Variants in SERPINE3 observed in about 807,000 individuals in gnomAD.
SERPINE3 encodes the protein serpin family E member 3.
A neutral mutation model predicts 41.7 loss-of-function variants in SERPINE3; 43 were observed. The ratio of observed to expected loss-of-function variants is 1.03; its 90% CI spans 0.81 to 1.33. The LOEUF (loss-of-function observed/expected upper bound fraction) is 1.33. SERPINE3 is among the 40% of genes most tolerant of loss of function. The pLI, the probability that SERPINE3 is intolerant of heterozygous loss-of-function variation, is 0.00. For missense variants in SERPINE3, 440 were observed against 491.7 expected, an observed-to-expected ratio of 0.89 and a Z score of 0.99; for synonymous variants, 200 against 192.2, an observed-to-expected ratio of 1.04 and a Z score of -0.34.
At chr13:51,360,143 C>G (rs566195165) in intron 7 of SERPINE3, among the ~76,000 whole-genome samples, 72 of 152,090 alleles carry the variant, frequency 4.7e-4, no homozygotes, top group Admixed American at 3.9e-4. Flanking sequence ...GGGCTATCTC[C>G]TGTGTGTGCG....
intron 9 of SERPINE3, chr13:51,362,196 G>C (rs1357289984): frequency 9.1e-6 from 6 of 658,892 alleles, no homozygotes; most frequent in African/African-American, 5.8e-5. Context: ...AATCATGAAA[G>C]TAAAATAAAT....
intron 7 of SERPINE3, among the ~76,000 whole-genome samples, chr13:51,359,446 C>T (rs894609245): frequency 2.0e-5 from 3 of 152,054 alleles, no homozygotes; most frequent in Non-Finnish European, 4.4e-5. Context: ...TGGTTTATGG[C>T]TGTGCAAACA....
chr13:51,353,835 TATTA>T (rs1398046137), intron 6 of SERPINE3, among the ~76,000 whole-genome samples: 2 of 152,234 alleles, frequency 1.3e-5, no homozygotes, highest in Non-Finnish European at 2.9e-5. Flanking sequence ...GCAAGTTCTG[TATTA>T]TTTATAGAAA....
In SERPINE3 at chr13:51,344,238, C is replaced by T. The variant is rs778160446; in HGVS notation, c.257-14C>T. On this transcript the variant is annotated splice_polypyrimidine_tract_variant and intron_variant, in intron 3 of 9. Transcript: ENST00000681248. Reference sequence around the variant, plus strand: ...ACTCACCATTGTCAACTTATCCCAACTTGTTTTTCACAGACAAAAGGGTGA... The same window carrying T: ...ACTCACCATTGTCAACTTATCCCAATTTGTTTTTCACAGACAAAAGGGTGA... The T allele has an allele frequency of 3.7e-6, 6 of 1,606,162 alleles. No individual in the cohort carries two copies. The highest frequency in any genetic ancestry group is 5.1e-6 in the Non-Finnish European group (6 of 1,173,114).
intron 5 of SERPINE3, among the ~76,000 whole-genome samples, 172 bp downstream of exon 5, chr13:51,347,406 A>G (rs1955358690): frequency 6.6e-6 from 1 of 152,190 alleles, no homozygotes. Context: ...CGGAGACTTT[A>G]GAGAGGAGTG....
rs1490237878 is a variant in SERPINE3, at chr13:51,347,027, G to A, written c.493G>A (p.Gly165Arg). 6.4e-7 allele frequency: 1 copy of A among 1,574,778 alleles called. No individual in the cohort carries two copies. The highest frequency in any genetic ancestry group is 8.6e-7 in the Non-Finnish European group (1 of 1,159,278). Residue 165 changes from glycine to arginine, a missense_variant and splice_region_variant, in exon 5 of 10, where the codon GGG (glycine) becomes AGG (arginine). Transcript: ENST00000681248. ...CCACCTTGCTTTCCTGCTTGCAGGT[G>A]GGGGCCCCAGTGAGGGCCCTGGTGG... ...SEGASRETAG[G>R]GPSEGPGGWP...
chr13:51,363,118 A>AAGCCAAC (rs1357848894), intron 9 of SERPINE3: 2 of 151,980 alleles, frequency 1.3e-5, no homozygotes, highest in Non-Finnish European at 2.9e-5. Context: ...TCATTGCCAA[A>AAGCCAAC]AGCCAATAGC....
intron 4 of SERPINE3, among the ~76,000 whole-genome samples, chr13:51,344,697 C>A (rs1337333678): frequency 2.0e-5 from 3 of 151,818 alleles, no homozygotes; most frequent in African/African-American, 7.3e-5. Context: ...CACAAATATA[C>A]ACATGGGCAC....
intron 6 of SERPINE3, among the ~76,000 whole-genome samples, chr13:51,349,974 A>T (rs1955389078): frequency 6.6e-6 from 1 of 152,228 alleles, no homozygotes; most frequent in Admixed American, 6.5e-5. Context: ...AAACAAAAAA[A>T]GTAAAAACTC....
intron 4 of SERPINE3, among the ~76,000 whole-genome samples, chr13:51,345,229 G>A (rs922792759): frequency 6.6e-6 from 1 of 152,130 alleles, no homozygotes; most frequent in East Asian, 1.9e-4. Flanking sequence ...CTCCTGCCCA[G>A]GGTCCACAGG....
intron 3 of SERPINE3, among the ~76,000 whole-genome samples, chr13:51,341,853 A>T (rs1409872749): frequency 6.6e-6 from 1 of 152,226 alleles, no homozygotes; most frequent in Non-Finnish European, 1.5e-5. Context: ...TCACAGAGCC[A>T]ATAAGTGACA....
chr13:51,346,709 C>T (rs970129485), intron 4 of SERPINE3, among the ~76,000 whole-genome samples: 12 of 152,160 alleles, frequency 7.9e-5, no homozygotes, highest in African/African-American at 2.9e-4. Context: ...GAGCCTCTGA[C>T]TCTGGCCCTG....
intron 3 of SERPINE3, 123 bp downstream of exon 3, chr13:51,341,470 C>A: frequency 1.0e-6 from 1 of 965,236 alleles, no homozygotes; most frequent in Non-Finnish European, 1.5e-6. Context: ...CTCATACTCA[C>A]ACTCACTCTC....
rs1254475912 is a variant in SERPINE3 at position 51,361,866 on chromosome 13, A to G, written c.1144A>G (p.Ile382Val). The change falls in exon 9 of 10, where the codon ATC (isoleucine) becomes GTC (valine). Residue 382 changes from isoleucine (I) to valine (V), a missense_variant. By Grantham distance (29) the Ile-to-Val change is conservative (BLOSUM62 3). Transcript: ENST00000681248. ...IPIFKADRPF[I>V]YFLREPNTGF... is the part of the protein sequence containing the mutation. The stretch of plus-strand genomic sequence containing the variant: ...TATTTTTAAAGCAGATCGGCCATTC[A>G]TCTATTTCCTGAGAGAACCTAACAC... The G allele has an allele frequency of 1.9e-6, 3 of 1,611,712 alleles. No homozygotes were observed. Among genetic ancestry groups the G allele is most frequent in the Non-Finnish European group, 1.7e-6 (2 of 1,178,692 alleles).
chr13:51,340,227 C>A (rs1206517623), intron 1 of SERPINE3, among the ~76,000 whole-genome samples: 1 of 152,152 alleles, frequency 6.6e-6, no homozygotes, highest in Admixed American at 6.5e-5. Context: ...GACAACTTAA[C>A]AAAAACTGCT....
chr13:51,347,174 T>C lies in SERPINE3; in HGVS notation c.640T>C (p.Cys214Arg), dbSNP rs369860176. 190 of 1,613,886 alleles carry C rather than the reference T, an allele frequency of 1.2e-4. 1 individual carries two copies. Among genetic ancestry groups the C allele is most frequent in the Admixed American group, 2.3e-4 (14 of 60,016 alleles). ...STDTQILPFT[C>R]AYGLVLQVPM... ...AGACACACAGATCCTGCCTTTCACC[T>C]GTGCCTATGGCCTCGTCCTTCAGGT... is the stretch of plus-strand genomic sequence containing the variant. Residue 214 changes from cysteine to arginine, a missense_variant, in exon 5 of 10, where the codon TGT (cysteine) becomes CGT (arginine). Coordinates refer to ENST00000681248, the MANE Select transcript of SERPINE3 (RefSeq NM_001386375.1).
At chr13:51,348,155 C>T (rs1406647160) in intron 5 of SERPINE3, 58 bp from the exon 6 acceptor site, 2 of 1,355,270 alleles carry the variant, frequency 1.5e-6, no homozygotes, top group Non-Finnish European at 2.0e-6. Flanking sequence ...GGGTCCGACA[C>T]TGGTTCATTC....
intron 3 of SERPINE3, 127 bp downstream of exon 3, chr13:51,341,474 C>A: frequency 2.1e-6 from 2 of 938,894 alleles, no homozygotes; most frequent in Non-Finnish European, 1.6e-6. Flanking sequence ...TACTCACACT[C>A]ACTCTCTCCA....
intron 9 of SERPINE3, 25 bp from the exon 10 acceptor site, chr13:51,364,214 A>AT (rs1955640278): frequency 7.8e-7 from 1 of 1,280,744 alleles, no homozygotes. Flanking sequence ...ACTATATAAT[A>AT]TTAAATTCTT....
Sources: gnomAD v4.1 joint callset for allele counts (sites outside exome capture counted in the v4.1 genomes callset) on GRCh38, gnomAD v4.1.1 for gene constraint, MANE v1.5 for transcripts, NCBI Gene and HGNC (gene_info 2026-07-23, HGNC 2026-07-21) for gene names.